The following KCNN2 variants were observed in gnomAD, a reference collection of about 807,000 sequenced individuals.
KCNN2 encodes the protein potassium calcium-activated channel subfamily N member 2.
Under a neutral mutation model 55.5 loss-of-function variants are expected in KCNN2, and 24 were observed. The ratio of observed to expected loss-of-function variants is 0.43; its 90% confidence interval spans 0.31 to 0.61. The LOEUF (loss-of-function observed/expected upper bound fraction) is 0.61. KCNN2 is among the 20% of genes least tolerant of loss of function. The pLI is 0.08. For synonymous variants in KCNN2, 431 were observed against 336.1 expected (o/e 1.28, Z -3.09); for missense variants, 754 against 853.6 (o/e 0.88, Z 1.45).
chr5:114,493,442 C>G lies in KCNN2; in HGVS notation c.2058C>G (p.Asp686Glu). 6.2e-7 allele frequency: 1 copy of G among 1,610,502 alleles called. No homozygotes were observed. The highest frequency in any genetic ancestry group is 1.7e-5 in the Admixed American group (1 of 59,986). ...SVKMEQRKLN[D>E]QANTLVDLAK... ...AAATGGAGCAGAGGAAACTGAATGA[C>G]CAAGCAAACACTTTGGTGGACTTGG... is the stretch of plus-strand genomic sequence containing the variant. Residue 686 changes from aspartate (D) to glutamate (E), a missense_variant, in exon 7 of 8, where the codon GAC (aspartate) becomes GAG (glutamate). Around this residue, in one of 4 missense-constraint regions of KCNN2, gnomAD observed 164 missense variants for 156.6 expected, o/e 1.05. Transcript: ENST00000673685.
intron 1 of KCNN2, among the ~76,000 whole-genome samples, chr5:114,062,246 T>C (rs563026511): frequency 1.3e-5 from 2 of 152,276 alleles, no homozygotes; most frequent in South Asian, 4.1e-4. Flanking sequence ...TGTAAGATAC[T>C]ATTACAGTAA....
intron 2 of KCNN2, among the ~76,000 whole-genome samples, chr5:114,298,735 T>C (rs1004729073): frequency 4.6e-5 from 7 of 152,184 alleles, no homozygotes; most frequent in African/African-American, 1.7e-4. Context: ...TTTTCTGTTT[T>C]CCAAAATTCT....
chr5:114,407,347 T>C (rs1297258546), intron 3 of KCNN2, among the ~76,000 whole-genome samples: 1 of 152,212 alleles, frequency 6.6e-6, no homozygotes, highest in African/African-American at 2.4e-5. Context: ...CAAATTTATC[T>C]TTCACACTTT....
intron 1 of KCNN2, among the ~76,000 whole-genome samples, chr5:114,139,687 G>A (rs748910227): frequency 1.3e-4 from 19 of 151,182 alleles, no homozygotes; most frequent in Non-Finnish European, 2.4e-4. Flanking sequence ...TGTAAGCCAT[G>A]TCTAAATATT....
Position 114,341,904 on chromosome 5 carries a change from G to GTT in KCNN2, c.-184-19027_-184-19026dup, listed in dbSNP as rs58992446. On this transcript the variant is annotated intron_variant, in intron 2 of 10. Coordinates refer to the KCNN2 transcript ENST00000512097. ...AGACACTAGAAAGTTTTCATAATGT[G>GTT]TTTTTTTTTTTTTTTGAGACGGAAT... 3.5e-3 allele frequency among the ~76,000 whole-genome samples: 481 copies of GTT among 138,372 alleles called. 6 individuals are homozygous for GTT. Among genetic ancestry groups the GTT allele is most frequent in the East Asian group, 9.2e-3 (44 of 4,772 alleles). The allele number at this position is 138,372 out of a possible 152,430, so 90.8% of individuals were successfully genotyped here. A position where few individuals can be genotyped will look rare whatever the true frequency, so the allele number is the denominator to read the frequency against.
intron 2 of KCNN2, among the ~76,000 whole-genome samples, chr5:114,243,454 C>T (rs1754684016): frequency 6.7e-6 from 1 of 148,202 alleles, no homozygotes; most frequent in Non-Finnish European, 1.5e-5. Flanking sequence ...CTGGCCCCAT[C>T]TTGCCCCGTA....
chr5:114,087,645 C>A (rs1179326334), intron 1 of KCNN2, among the ~76,000 whole-genome samples: 3 of 151,934 alleles, frequency 2.0e-5, no homozygotes, highest in African/African-American at 7.3e-5. Flanking sequence ...TTATATCTAC[C>A]ACTTTACTTT....
chr5:114,204,006 A>G (rs1425434951), intron 1 of KCNN2, among the ~76,000 whole-genome samples: 5 of 152,208 alleles, frequency 3.3e-5, no homozygotes, highest in Admixed American at 6.5e-5. Context: ...GCTCAGCCAT[A>G]TTACTCTAGT....
intron 1 of KCNN2, among the ~76,000 whole-genome samples, chr5:114,194,766 G>A (rs1033837264): frequency 1.5e-4 from 23 of 151,852 alleles, no homozygotes; most frequent in Non-Finnish European, 2.9e-5. Flanking sequence ...CTAAACAACT[G>A]TATTGTAGAT....
At chr5:114,429,242 C>A (rs1205609076) in intron 3 of KCNN2, among the ~76,000 whole-genome samples, 1 of 151,988 alleles carries the variant, frequency 6.6e-6, no homozygotes, top group Non-Finnish European at 1.5e-5. Flanking sequence ...TTTGCAACAA[C>A]AAATACTGGT....
chr5:114,420,958 A>G (rs1759455587), intron 3 of KCNN2, among the ~76,000 whole-genome samples: 1 of 152,098 alleles, frequency 6.6e-6, no homozygotes, highest in South Asian at 2.1e-4. Flanking sequence ...TTTGATGGCC[A>G]TATTTTTCAT....
chr5:114,246,897 G>A lies in KCNN2; in HGVS notation c.-185+25332G>A, dbSNP rs144671954. ...ACCTAAGTTAATGAATTATTCGAAT[G>A]TTTTTAATTGAGAAGGTAGAAGGAA... On this transcript the variant is annotated intron_variant, in intron 2 of 10. Coordinates refer to the KCNN2 transcript ENST00000512097. Among the ~76,000 whole-genome samples, 806 of 151,910 alleles carry A rather than the reference G, an allele frequency of 5.3e-3. 9 individuals carry two copies. Among genetic ancestry groups the A allele is most frequent in the African/African-American group, 0.019 (775 of 41,442 alleles).
intron 1 of KCNN2, among the ~76,000 whole-genome samples, chr5:114,186,180 G>T (rs1753327660): frequency 6.6e-6 from 1 of 152,062 alleles, no homozygotes; most frequent in African/African-American, 2.4e-5. Context: ...TCTGTGACCA[G>T]TATACTAAAT....
chr5:114,173,055 T>G (rs1753068926), intron 1 of KCNN2, among the ~76,000 whole-genome samples: 1 of 152,056 alleles, frequency 6.6e-6, no homozygotes, highest in Non-Finnish European at 1.5e-5. Flanking sequence ...TTCAGGAGTT[T>G]TGTAGTTTGA....
Position 114,340,237 on chromosome 5 carries a change from C to T in KCNN2, c.-184-20708C>T, listed in dbSNP as rs555524180. On this transcript the variant is annotated intron_variant, in intron 2 of 10. Coordinates refer to the KCNN2 transcript ENST00000512097. ...AGAGAGAAATCCAAATGGTCACTTGCGTAAACATGAAGCAGATTGTCATTG... is the reference window on the plus strand; with the variant it reads ...AGAGAGAAATCCAAATGGTCACTTGTGTAAACATGAAGCAGATTGTCATTG... 4.1e-4 allele frequency among the ~76,000 whole-genome samples: 62 copies of T among 152,252 alleles called. 1 individual carries two copies. Among genetic ancestry groups the T allele is most frequent in the Middle Eastern group, 6.8e-3 (2 of 294 alleles).
chr5:114,277,867 G>A (rs1466529560), intron 2 of KCNN2, among the ~76,000 whole-genome samples: 2 of 152,168 alleles, frequency 1.3e-5, no homozygotes, highest in Non-Finnish European at 2.9e-5. Context: ...TCTCCATCCA[G>A]TTTTGTTCCC....
At chr5:114,166,398 G>A (rs1430370580) in intron 1 of KCNN2, among the ~76,000 whole-genome samples, 1 of 152,012 alleles carries the variant, frequency 6.6e-6, no homozygotes, top group African/African-American at 2.4e-5. Context: ...CTGCCTTCGC[G>A]GTATGTCTCT....
intron 2 of KCNN2, among the ~76,000 whole-genome samples, chr5:114,400,929 G>A (rs567433459): frequency 6.7e-5 from 10 of 149,966 alleles, no homozygotes; most frequent in Non-Finnish European, 1.3e-4. Context: ...GTCCAAAAGC[G>A]TAATTACTTT....
intron 1 of KCNN2, among the ~76,000 whole-genome samples, chr5:114,156,633 T>A (rs1253910538): frequency 2.6e-5 from 4 of 152,156 alleles, no homozygotes; most frequent in Non-Finnish European, 4.4e-5. Flanking sequence ...TATTTTATTC[T>A]TTTTGTGGCA....
Sources: allele counts gnomAD v4.1 joint callset (sites outside exome capture counted in the v4.1 genomes callset), GRCh38; gene constraint gnomAD v4.1.1; regional missense constraint gnomAD v4.1.1; transcripts MANE v1.5; gene names NCBI Gene and HGNC (gene_info 2026-07-23, HGNC 2026-07-21).